The following RANBP17 variants were observed in gnomAD, a reference collection of about 807,000 sequenced individuals.
RANBP17 encodes ran-binding protein 17.
In RANBP17, 158 loss-of-function variants were observed where a neutral mutation model predicts 141.2. The observed-to-expected ratio is 1.12, with a 90% CI of 0.98 to 1.28. The LOEUF (loss-of-function observed/expected upper bound fraction) is 1.28, where lower values mean the gene tolerates loss of function less well. Ranked by LOEUF, RANBP17 falls within the 50% of genes most tolerant of loss-of-function variation. RANBP17 has a pLI of 0.00. For missense variants in RANBP17, 1,438 were observed against 1,290.7 expected, an observed-to-expected ratio of 1.11 and a Z score of -1.75; for synonymous variants, 430 against 450.0, an observed-to-expected ratio of 0.96 and a Z score of 0.56.
chr5:171,113,361 GC>G (rs1755384839), intron 14 of RANBP17, among the ~76,000 whole-genome samples: 1 of 152,086 alleles, frequency 6.6e-6, no homozygotes, highest in African/African-American at 2.4e-5. Context: ...TGTGTGAACA[GC>G]CATTCATCCA....
At chr5:171,077,706 T>C (rs886892282) in intron 14 of RANBP17, among the ~76,000 whole-genome samples, 2 of 152,234 alleles carry the variant, frequency 1.3e-5, no homozygotes, top group South Asian at 4.1e-4. Flanking sequence ...GCTGTATTAC[T>C]TTTTTAAAAA....
At chr5:171,016,430 C>T (rs535256895) in intron 14 of RANBP17, among the ~76,000 whole-genome samples, 2 of 152,138 alleles carry the variant, frequency 1.3e-5, no homozygotes, top group Admixed American at 1.3e-4. Flanking sequence ...TTGCTGACTT[C>T]TCTTTAGACC....
At chr5:171,185,123 A>G (rs1224850514) in intron 18 of RANBP17, among the ~76,000 whole-genome samples, 2 of 152,218 alleles carry the variant, frequency 1.3e-5, no homozygotes, top group Non-Finnish European at 1.5e-5. Flanking sequence ...ACATCGTGCC[A>G]CTGCACTCCA....
At chr5:171,061,764 G>T (rs1250044836) in intron 14 of RANBP17, among the ~76,000 whole-genome samples, 2 of 152,184 alleles carry the variant, frequency 1.3e-5, no homozygotes, top group African/African-American at 2.4e-5. Flanking sequence ...ACAGTGGGGT[G>T]TTAAAATCTC....
chr5:170,869,725 T>C (rs1468486480), intron 1 of RANBP17, among the ~76,000 whole-genome samples: 1 of 152,218 alleles, frequency 6.6e-6, no homozygotes, highest in African/African-American at 2.4e-5. Flanking sequence ...GGGCGCACTG[T>C]AAATCCAGCA....
chr5:170,967,229 A>C (rs1776636253), intron 13 of RANBP17, among the ~76,000 whole-genome samples: 1 of 152,230 alleles, frequency 6.6e-6, no homozygotes, highest in East Asian at 1.9e-4. Context: ...GGTTGGGAGG[A>C]GAATCTGTAG....
chr5:170,877,772 T>C (rs2127348096), intron 1 of RANBP17, among the ~76,000 whole-genome samples: 1 of 152,308 alleles, frequency 6.6e-6, no homozygotes, highest in East Asian at 1.9e-4. Flanking sequence ...CCTTCTAGTC[T>C]TTTTAAAATC....
chr5:170,897,178 T>C (rs534274652), intron 5 of RANBP17: 24 of 754,538 alleles, frequency 3.2e-5, no homozygotes, highest in East Asian at 2.1e-4. Flanking sequence ...CTGATACTTA[T>C]GGCTCCGGAA....
intron 14 of RANBP17, among the ~76,000 whole-genome samples, chr5:171,130,255 A>G (rs1756804917): frequency 6.6e-6 from 1 of 152,176 alleles, no homozygotes; most frequent in Non-Finnish European, 1.5e-5. Flanking sequence ...AAGAAATTAT[A>G]GTAAGAAATA....
chr5:170,896,957 G>A, intron 5 of RANBP17: 1 of 936,720 alleles, frequency 1.1e-6, no homozygotes, highest in Non-Finnish European at 1.7e-6. Context: ...ATACTGGTTG[G>A]CCAGTGCGAA....
intron 19 of RANBP17, among the ~76,000 whole-genome samples, chr5:171,204,738 GT>G (rs1762475984): frequency 6.6e-6 from 1 of 152,096 alleles, no homozygotes; most frequent in Non-Finnish European, 1.5e-5. Context: ...CAAGAGTCAA[GT>G]TTTTGTTTTT....
intron 14 of RANBP17, among the ~76,000 whole-genome samples, chr5:171,063,674 A>G (rs1209725726): frequency 6.6e-6 from 1 of 152,168 alleles, no homozygotes; most frequent in Non-Finnish European, 1.5e-5. Flanking sequence ...TGCTGGGAGA[A>G]CCACTGCTCT....
At chr5:171,242,554 A>G (rs926716108) in intron 23 of RANBP17, 128 bp from the exon 24 acceptor site, 48 of 935,900 alleles carry the variant, frequency 5.1e-5, no homozygotes, top group Non-Finnish European at 6.8e-5. Context: ...CATTTGCTCT[A>G]TATATTTATT....
chr5:171,199,637 T>G (rs991166879), intron 18 of RANBP17, 33 bp from the exon 19 acceptor site: 1 of 1,351,814 alleles, frequency 7.4e-7, no homozygotes. Flanking sequence ...CTATGCATTT[T>G]AAACCGTAGT....
intron 20 of RANBP17, 67 bp from the exon 21 acceptor site, chr5:171,213,564 T>C: frequency 9.6e-7 from 1 of 1,046,856 alleles, no homozygotes; most frequent in South Asian, 1.3e-5. Flanking sequence ...TGTGTATGTG[T>C]GTGGCACTAA....
chr5:171,201,983 G>T (rs1020775786), intron 19 of RANBP17, among the ~76,000 whole-genome samples: 1 of 152,070 alleles, frequency 6.6e-6, no homozygotes, highest in African/African-American at 2.4e-5. Context: ...TGAAAATGCC[G>T]CAGGACTGCC....
intron 14 of RANBP17, among the ~76,000 whole-genome samples, chr5:171,064,110 C>T (rs1229981621): frequency 6.6e-6 from 1 of 152,266 alleles, no homozygotes; most frequent in Non-Finnish European, 1.5e-5. Context: ...ACCCCTTGCA[C>T]TTCTGGAGTG....
At position 171,298,918 on chromosome 5, in the gene RANBP17, TC is replaced by T; in HGVS notation, c.*61del. 1 of 1,350,102 alleles carries T rather than the reference TC, an allele frequency of 7.4e-7. No individual in the cohort carries two copies. The allele number at this position is 1,350,102 out of a possible 1,614,324, so 83.6% of individuals were successfully genotyped here. A position where few individuals can be genotyped will look rare whatever the true frequency, so the allele number is the denominator to read the frequency against. ...ATCAAGAGACTCCTGAAGGTCTGGG[TC>T]TCAGGACAGTGATGTTGGCTAGCCC... On this transcript the variant is annotated 3_prime_UTR_variant, in exon 28 of 28. Coordinates refer to ENST00000523189, the MANE Select transcript of RANBP17 (RefSeq NM_022897.5).
intron 14 of RANBP17, among the ~76,000 whole-genome samples, chr5:171,015,002 A>G (rs1358554136): frequency 6.6e-6 from 1 of 151,924 alleles, no homozygotes; most frequent in Non-Finnish European, 1.5e-5. Flanking sequence ...TCTCACTTGT[A>G]TTTTTTATGA....
Sources: gnomAD v4.1 joint callset for allele counts (sites outside exome capture counted in the v4.1 genomes callset) on GRCh38, gnomAD v4.1.1 for gene constraint, MANE v1.5 for transcripts, NCBI Gene and HGNC (gene_info 2026-07-23, HGNC 2026-07-21) for gene names.